The following GYG1 variants were observed in gnomAD, a reference collection of about 807,000 sequenced individuals.
The protein encoded by GYG1 is glycogenin 1, also known as glycogenin-1.
Under a neutral mutation model 41.9 loss-of-function variants are expected in GYG1, and 44 were observed. The ratio of observed to expected loss-of-function variants is 1.05; its 90% CI spans 0.83 to 1.35. The LOEUF is 1.35. Ranked by LOEUF, GYG1 falls within the 40% of genes most tolerant of loss-of-function variation. The probability of loss-of-function intolerance (pLI) is 0.00; values close to 1 mark genes in which losing one functional copy is unlikely to be tolerated. For synonymous variants in GYG1, 141 were observed against 158.1 expected (o/e 0.89, Z 0.81); for missense variants, 429 against 418.9 (o/e 1.02, Z -0.21).
chr3:149,024,908 CTG>C (rs1468206854), intron 6 of GYG1, among the ~76,000 whole-genome samples: 1 of 152,164 alleles, frequency 6.6e-6, no homozygotes, highest in Non-Finnish European at 1.5e-5. Context: ...AGGAACGAAA[CTG>C]TTACATATTC....
rs111907916 is a variant in GYG1, at chr3:148,994,159, C to G, written c.25C>G (p.Leu9Val). MTDQAFVT[L>V]TTNDAYAKGA... The stretch of plus-strand genomic sequence containing the variant: ...GTATTAAGATCAGGCCTTTGTGACA[C>G]TAACCACAAACGATGCCTACGCCAA... The change falls in exon 2 of 8, where the codon CTA becomes GTA. Residue 9 changes from leucine (L) to valine (V), a missense_variant. By Grantham distance (32) the Leu-to-Val change is conservative. Coordinates refer to ENST00000345003, the MANE Select transcript of GYG1 (RefSeq NM_004130.4). The G allele has an allele frequency of 6.2e-7, 1 of 1,613,238 alleles. No homozygotes were observed. The highest frequency in any genetic ancestry group is 8.5e-7 in the Non-Finnish European group (1 of 1,179,344).
intron 4 of GYG1, among the ~76,000 whole-genome samples, chr3:149,007,103 G>C (rs893537985): frequency 4.6e-5 from 7 of 152,224 alleles, no homozygotes; most frequent in Admixed American, 1.3e-4. Context: ...CACTTCCTGG[G>C]TCATAGACAG....
intron 5 of GYG1, among the ~76,000 whole-genome samples, chr3:149,018,685 C>T (rs1006418058): frequency 6.6e-6 from 1 of 152,150 alleles, no homozygotes; most frequent in Non-Finnish European, 1.5e-5. Flanking sequence ...CTGCTCTTCT[C>T]ATAAAAAGCT....
At chr3:149,006,731 G>A (rs1360493215) in intron 4 of GYG1, among the ~76,000 whole-genome samples, 1 of 152,246 alleles carries the variant, frequency 6.6e-6, no homozygotes, top group East Asian at 1.9e-4. Context: ...CCATGGAACC[G>A]ATTGGCAGTA....
intron 5 of GYG1, among the ~76,000 whole-genome samples, chr3:149,009,788 T>G (rs192039322): frequency 1.8e-4 from 28 of 152,352 alleles, no homozygotes; most frequent in African/African-American, 6.0e-4. Context: ...TTCCTTCACC[T>G]GCAAAAAGGT....
intron 2 of GYG1, 103 bp downstream of exon 2, chr3:148,994,380 G>GC (rs1712670841): frequency 1.6e-6 from 2 of 1,244,296 alleles, no homozygotes; most frequent in South Asian, 2.4e-5. Flanking sequence ...CAGGAATTGA[G>GC]CACCGGGTAG....
chr3:149,013,704 AT>A (rs1344812795), intron 5 of GYG1, among the ~76,000 whole-genome samples: 2 of 152,134 alleles, frequency 1.3e-5, no homozygotes, highest in African/African-American at 4.8e-5. Context: ...ATTTATCAGT[AT>A]TTTCCCCAAA....
At chr3:149,000,926 A>G (rs1249528545) in intron 4 of GYG1, 1 of 152,238 alleles carries the variant, frequency 6.6e-6, no homozygotes, top group Non-Finnish European at 1.5e-5. Context: ...TCCAAATTCT[A>G]AGTGGTCATT....
chr3:149,021,394 TAA>T (rs1237633097), intron 5 of GYG1, among the ~76,000 whole-genome samples: 4 of 152,200 alleles, frequency 2.6e-5, no homozygotes, highest in Non-Finnish European at 4.4e-5. Context: ...GTGTATAAAA[TAA>T]AGAGTAAGCT....
At chr3:149,008,840 T>TA (rs1364308098) in intron 4 of GYG1, 1 of 189,658 alleles carries the variant, frequency 5.3e-6, no homozygotes, top group East Asian at 1.3e-4. Context: ...AAAATGTTTT[T>TA]AATTGGTGTG....
rs71617496 is a variant in GYG1, at chr3:149,028,705, ATTTTTTTTTTT to A, written c.*1785_*1795del. 5.0e-3 allele frequency among the ~76,000 whole-genome samples: 669 copies of A among 133,744 alleles called. 7 individuals carry two copies. The highest frequency in any genetic ancestry group is 0.018 in the African/African-American group (617 of 34,966). 87.7% of individuals were successfully genotyped at this position (133,744 alleles called of 152,430 possible). The stretch of plus-strand genomic sequence containing the variant: ...GGTGGAAAAGCTGACATAGTTTTAA[ATTTTTTTTTTT>A]TTTTTTTTTTTTCTTGAGGCAGAGT... On this transcript the variant is annotated 3_prime_UTR_variant, in exon 8 of 8. Transcript: ENST00000345003.
chr3:148,998,155 C>T (rs1712911857), intron 4 of GYG1, among the ~76,000 whole-genome samples: 1 of 152,130 alleles, frequency 6.6e-6, no homozygotes, highest in African/African-American at 2.4e-5. Flanking sequence ...TTCATTGTTG[C>T]TATTCACAGA....
chr3:148,996,699 C>T, intron 3 of GYG1, 43 bp from the exon 4 acceptor site: 1 of 1,572,628 alleles, frequency 6.4e-7, no homozygotes, highest in Non-Finnish European at 8.8e-7. Context: ...GGGTATTCTG[C>T]AGCAAAAACA....
At chr3:148,995,327 C>T (rs982482185) in intron 2 of GYG1, among the ~76,000 whole-genome samples, 1 of 152,188 alleles carries the variant, frequency 6.6e-6, no homozygotes, top group African/African-American at 2.4e-5. Context: ...TTTCTGGTCT[C>T]CTGGCCCTCT....
intron 5 of GYG1, among the ~76,000 whole-genome samples, chr3:149,015,256 G>T (rs1047508292): frequency 2.6e-5 from 4 of 152,322 alleles, no homozygotes; most frequent in African/African-American, 9.6e-5. Context: ...GTGAAAGTAT[G>T]AAATAGCTAA....
In GYG1 at chr3:149,009,953, T is replaced by TC. The variant is rs369980013; in HGVS notation, c.608+553dup. ...CCTACTTACTGAACTTCTTTCTGCCTCCATGTCTTCATAGGGTTATTGTGG... is the reference window on the plus strand; with the variant it reads ...CCTACTTACTGAACTTCTTTCTGCCTCCCATGTCTTCATAGGGTTATTGTGG... On this transcript the variant is annotated intron_variant, in intron 5 of 7. Coordinates refer to ENST00000345003, the MANE Select transcript of GYG1 (RefSeq NM_004130.4). Among the ~76,000 whole-genome samples the TC allele has an allele frequency of 3.9e-5, 6 of 152,324 alleles. No homozygotes were observed. The East Asian group carries it at 1.2e-3, about 29-fold the overall frequency.
chr3:148,998,321 A>G (rs573908964), intron 4 of GYG1, among the ~76,000 whole-genome samples: 30 of 152,330 alleles, frequency 2.0e-4, no homozygotes, highest in Middle Eastern at 6.8e-3. Flanking sequence ...AAGGGTGATT[A>G]TGTCCCCCAA....
chr3:149,015,137 A>G (rs979689333), intron 5 of GYG1, among the ~76,000 whole-genome samples: 17 of 152,218 alleles, frequency 1.1e-4, no homozygotes, highest in Admixed American at 1.0e-3. Flanking sequence ...TTCCTGAAAT[A>G]GGAAAGAACA....
chr3:149,027,728 TAAA>T lies in GYG1; in HGVS notation c.*799_*801del, dbSNP rs940782689. ...CAATTTTTGGAATTTGTCATAGTTT[TAAA>T]AAAGTGTAAAGCTTGACATTGGGAT... On this transcript the variant is annotated 3_prime_UTR_variant, in exon 8 of 8. Coordinates refer to ENST00000345003, the MANE Select transcript of GYG1 (RefSeq NM_004130.4). 6 of 152,200 alleles carry T rather than the reference TAAA, an allele frequency of 3.9e-5. No individual in the cohort carries two copies. The highest frequency in any genetic ancestry group is 1.2e-4 in the African/African-American group (5 of 41,456). 9.4% of individuals were successfully genotyped at this position (152,200 alleles called of 1,614,324 possible).
Sources: gnomAD v4.1 joint callset for allele counts (sites outside exome capture counted in the v4.1 genomes callset) on GRCh38, gnomAD v4.1.1 for gene constraint, MANE v1.5 for transcripts, NCBI Gene and HGNC (gene_info 2026-07-23, HGNC 2026-07-21) for gene names.